Variants in DPP6 observed in about 807,000 individuals in gnomAD.
The protein encoded by DPP6 is A-type potassium channel modulatory protein DPP6.
A neutral mutation model predicts 122.6 loss-of-function variants in DPP6; 69 were observed. The observed-to-expected ratio is 0.56, with a 90% CI of 0.46 to 0.69. The LOEUF is 0.69. DPP6 is among the 30% of genes least tolerant of loss of function. The pLI is 0.00. For missense variants in DPP6, 928 were observed against 1,116.9 expected, an observed-to-expected ratio of 0.83 and a Z score of 2.41; for synonymous variants, 418 against 433.1, an observed-to-expected ratio of 0.97 and a Z score of 0.43.
At chr7:153,960,020 C>T (rs543433181) in intron 1 of DPP6, among the ~76,000 whole-genome samples, 2 of 152,194 alleles carry the variant, frequency 1.3e-5, no homozygotes, top group East Asian at 3.9e-4. Flanking sequence ...GGCCTAAGTT[C>T]AATATCAGTG....
intron 1 of DPP6, among the ~76,000 whole-genome samples, chr7:154,057,210 A>T (rs187833238): frequency 0.033 from 5,066 of 151,334 alleles, 319 homozygotes; most frequent in African/African-American, 0.12. Context: ...GCAACTGCCC[A>T]GCTAGTACAA....
rs1353125110 is a variant in DPP6 at position 154,868,022 on chromosome 7, A to G, written c.1742A>G (p.His581Arg). ...ATGTTTGACCTAGAAACAAATGAACATGTCAAGAAGGCCATAAATGACCGA... is the reference window on the plus strand; with the variant it reads ...ATGTTTGACCTAGAAACAAATGAACGTGTCAAGAAGGCCATAAATGACCGA... ...KKMFDLETNE[H>R]VKKAINDRQM... Residue 581 changes from histidine to arginine, a missense_variant, in exon 18 of 26, where the codon CAT becomes CGT. Transcript: ENST00000377770. 5 of 1,606,402 alleles carry G rather than the reference A, an allele frequency of 3.1e-6. No homozygotes were observed. Among genetic ancestry groups the G allele is most frequent in the African/African-American group, 1.3e-5 (1 of 74,834 alleles).
chr7:154,837,746 C>T (rs1801201431), intron 16 of DPP6, among the ~76,000 whole-genome samples: 1 of 152,218 alleles, frequency 6.6e-6, no homozygotes, highest in South Asian at 2.1e-4. Flanking sequence ...CTCTGTATTT[C>T]TTTCACTTCC....
At position 154,875,741 on chromosome 7, in the gene DPP6, C is replaced by G. The variant is rs1047300586; in HGVS notation, c.1884-165C>G. 3.9e-5 allele frequency among the ~76,000 whole-genome samples: 6 copies of G among 152,158 alleles called. No individual in the cohort carries two copies. The highest frequency in any genetic ancestry group is 3.9e-4 in the Admixed American group (6 of 15,286). ...CTCACTTTATGGGGTGTGGATAACA[C>G]CTGGCTCACCTGCCCGGGGCAACAG... On this transcript the variant is annotated intron_variant, in intron 19 of 25. Transcript: ENST00000377770. This position sits in a 1 kb window ranked among gnomAD's most constrained non-coding sequence, Gnocchi z 4.5.
At chr7:153,757,378 T>C in the DPP6 span, among the ~76,000 whole-genome samples, 1 of 152,342 alleles carries the variant, frequency 6.6e-6, no homozygotes, top group South Asian at 2.1e-4. Context: ...TTGTTTTTCA[T>C]AAACCAAAAA....
intron 1 of DPP6, among the ~76,000 whole-genome samples, chr7:153,912,531 A>G (rs1196298175): frequency 6.6e-6 from 1 of 152,204 alleles, no homozygotes; most frequent in African/African-American, 2.4e-5. Context: ...GGATTTAGAG[A>G]TACTAAAAAT....
chr7:154,280,427 CA>C (rs1261880280), intron 1 of DPP6, among the ~76,000 whole-genome samples: 1 of 152,160 alleles, frequency 6.6e-6, no homozygotes, highest in Non-Finnish European at 1.5e-5. Context: ...CCAAACTCCC[CA>C]CTCACTGAAC....
upstream of DPP6, among the ~76,000 whole-genome samples, chr7:154,052,020 G>A (rs1585233052): frequency 1.3e-5 from 2 of 151,070 alleles, no homozygotes; most frequent in East Asian, 4.1e-4. This position sits in a 1 kb window ranked among gnomAD's most constrained non-coding sequence, Gnocchi z 4.8. Flanking sequence ...CGTGGCTGGG[G>A]CGCCCCGGGG....
the DPP6 span, among the ~76,000 whole-genome samples, chr7:153,870,629 T>C: frequency 1.3e-5 from 2 of 152,226 alleles, no homozygotes; most frequent in South Asian, 4.1e-4. Flanking sequence ...TTTGATCTTC[T>C]GAAGCCTTCT....
intron 10 of DPP6, among the ~76,000 whole-genome samples, chr7:154,790,012 A>C (rs1044272951): frequency 1.3e-5 from 2 of 152,214 alleles, no homozygotes; most frequent in Non-Finnish European, 2.9e-5. Context: ...AGCCTGGGTA[A>C]CATGGTGAAA....
intron 1 of DPP6, among the ~76,000 whole-genome samples, chr7:154,272,700 C>T (rs1204706436): frequency 6.6e-6 from 1 of 152,166 alleles, no homozygotes; most frequent in Non-Finnish European, 1.5e-5. Flanking sequence ...AGTCCTTAGA[C>T]CACGGGGGCC....
chr7:154,188,246 A>G (rs997331225), intron 1 of DPP6, among the ~76,000 whole-genome samples: 1 of 152,080 alleles, frequency 6.6e-6, no homozygotes, highest in Admixed American at 6.6e-5. Flanking sequence ...ATTAAATGGG[A>G]TATTTTTATT....
intron 6 of DPP6, among the ~76,000 whole-genome samples, chr7:154,666,196 T>TACACACACAC (rs59027201): frequency 2.3e-5 from 2 of 86,556 alleles, no homozygotes; most frequent in South Asian, 7.7e-4. Flanking sequence ...TATATATATA[T>TACACACACAC]ATATACACAT....
Position 154,062,142 on chromosome 7 carries a change from C to G in DPP6, c.243+9079C>G, listed in dbSNP as rs1242883508. The stretch of plus-strand genomic sequence containing the variant: ...CGAGGCGGGGACTGAGAGCCAGACC[C>G]TCATCCCCCACCGGCTTAGGACCCA... On this transcript the variant is annotated intron_variant, in intron 1 of 25. Transcript: ENST00000377770. 2.0e-5 allele frequency among the ~76,000 whole-genome samples: 2 copies of G among 101,948 alleles called. 1 individual carries two copies. The highest frequency in any genetic ancestry group is 4.2e-5 in the Non-Finnish European group (2 of 47,096). The allele number at this position is 101,948 out of a possible 152,430, so 66.9% of individuals were successfully genotyped here. A position where few individuals can be genotyped will look rare whatever the true frequency, so the allele number is the denominator to read the frequency against.
At chr7:154,617,709 G>C (rs1834354290) in intron 5 of DPP6, among the ~76,000 whole-genome samples, 1 of 152,164 alleles carries the variant, frequency 6.6e-6, no homozygotes, top group African/African-American at 2.4e-5. Flanking sequence ...TGTATTACTA[G>C]AGAAATAAGC....
chr7:153,978,852 G>T (rs1425711763), intron 1 of DPP6, among the ~76,000 whole-genome samples: 1 of 151,942 alleles, frequency 6.6e-6, no homozygotes, highest in Admixed American at 6.5e-5. Context: ...AAGATCAGAT[G>T]GTTGTAGTTG....
At chr7:154,385,759 C>T (rs887929) in intron 1 of DPP6, among the ~76,000 whole-genome samples, 21,569 of 152,132 alleles carry the variant, frequency 0.14, 2,260 homozygotes, top group African/African-American at 0.29. Flanking sequence ...TACGTACTCA[C>T]TGGTCTCAGC....
chr7:154,204,025 T>G (rs1585623646), intron 1 of DPP6, among the ~76,000 whole-genome samples: 2 of 152,228 alleles, frequency 1.3e-5, no homozygotes, highest in Admixed American at 1.3e-4. Context: ...AAGTGAGCCC[T>G]GGGAAGGCGC....
At chr7:154,574,794 G>GT (rs1831409753) in intron 5 of DPP6, among the ~76,000 whole-genome samples, 1 of 96,892 alleles carries the variant, frequency 1.0e-5, no homozygotes, top group Non-Finnish European at 1.9e-5. Flanking sequence ...TGTGTGTGTG[G>GT]TGTGTGTTTG....
Sources: gnomAD v4.1 joint callset for allele counts (sites outside exome capture counted in the v4.1 genomes callset) on GRCh38, gnomAD v4.1.1 for gene constraint, Gnocchi (gnomAD v3.1) non-coding constraint, MANE v1.5 for transcripts, NCBI Gene and HGNC (gene_info 2026-07-23, HGNC 2026-07-21) for gene names.